Variants in FRMPD2 observed in about 807,000 individuals in gnomAD.
FRMPD2 encodes the protein FERM and PDZ domain containing 2.
A neutral mutation model predicts 140.1 loss-of-function variants in FRMPD2; 96 were observed. That is an observed-to-expected ratio of 0.69 (90% CI 0.58 to 0.81). FRMPD2 has a LOEUF of 0.81. Ranked by LOEUF, FRMPD2 falls within the 40% of genes least tolerant of loss-of-function variation. FRMPD2 has a pLI of 0.00. For synonymous variants in FRMPD2, 449 were observed against 547.6 expected (o/e 0.82, Z 2.52); for missense variants, 1,240 against 1,447.4 (o/e 0.86, Z 2.32).
At chr10:48,219,113 G>A (rs758305768) in intron 12 of FRMPD2, among the ~76,000 whole-genome samples, 1 of 152,140 alleles carries the variant, frequency 6.6e-6, no homozygotes, top group Non-Finnish European at 1.5e-5. Context: ...CAGACATTAT[G>A]GGAAAGGGCA....
chr10:48,238,053 C>T lies in FRMPD2; in HGVS notation c.859G>A (p.Ala287Thr), dbSNP rs147179010. The T allele has an allele frequency of 3.6e-4, 577 of 1,613,888 alleles. No homozygotes were observed. The highest frequency in any genetic ancestry group is 4.8e-4 in the Non-Finnish European group (562 of 1,180,016). The change falls in exon 8 of 29, where the codon GCA becomes ACA. Residue 287 changes from alanine (A) to threonine (T), a missense_variant. Transcript: ENST00000374201. The part of the protein sequence containing the change: ...RRLSSGSVHS[A>T]ADSSWPTTPS... ...GTTGTTGGCCATGAGCTGTCTGCTG[C>T]CGAGTGCACAGATCCAGAGCTGAGC...
chr10:48,248,283 G>A (rs1840298031), intron 3 of FRMPD2, among the ~76,000 whole-genome samples: 1 of 152,142 alleles, frequency 6.6e-6, no homozygotes, highest in Admixed American at 6.5e-5. Flanking sequence ...TAAAAATGAT[G>A]TTTACTGGAA....
chr10:48,160,303 G>A (rs1554790643), intron 28 of FRMPD2, among the ~76,000 whole-genome samples: 1 of 151,690 alleles, frequency 6.6e-6, no homozygotes, highest in Admixed American at 6.6e-5. Flanking sequence ...AAGTGAAATC[G>A]AATCTTGTCC....
At chr10:48,236,442 CG>C (rs1839969478) in intron 9 of FRMPD2, 39 bp downstream of exon 9, 1 of 1,592,162 alleles carries the variant, frequency 6.3e-7, no homozygotes, top group African/African-American at 1.3e-5. Context: ...CCACTTCCCT[CG>C]CCACCCTCCA....
At chr10:48,224,344 C>T (rs551106755) in intron 10 of FRMPD2, among the ~76,000 whole-genome samples, 2 of 152,338 alleles carry the variant, frequency 1.3e-5, no homozygotes, top group East Asian at 3.9e-4. Context: ...CCTTTCAGCC[C>T]AAAGCATTCT....
At chr10:48,262,886 G>A (rs778187070) in intron 1 of FRMPD2, among the ~76,000 whole-genome samples, 25 of 151,864 alleles carry the variant, frequency 1.6e-4, no homozygotes, top group South Asian at 2.1e-4. Flanking sequence ...AGCAATTCTC[G>A]TGCCTCAGCC....
chr10:48,174,366 C>T (rs1588804946), intron 24 of FRMPD2, among the ~76,000 whole-genome samples: 1 of 152,242 alleles, frequency 6.6e-6, no homozygotes, highest in African/African-American at 2.4e-5. Context: ...TCTTGGCACC[C>T]TGAATTCCTA....
At chr10:48,176,818 C>T (rs1201736371) in intron 22 of FRMPD2, among the ~76,000 whole-genome samples, 2 of 152,028 alleles carry the variant, frequency 1.3e-5, no homozygotes, top group Non-Finnish European at 2.9e-5. Flanking sequence ...AGCCTTATTG[C>T]TTGGTTTCTT....
chr10:48,193,335 G>T (rs545178964), intron 15 of FRMPD2, among the ~76,000 whole-genome samples: 1 of 152,290 alleles, frequency 6.6e-6, no homozygotes, highest in East Asian at 1.9e-4. Flanking sequence ...ATTAGGCTCT[G>T]CTCTGTGGAG....
chr10:48,241,869 C>G (rs146781947), intron 5 of FRMPD2, among the ~76,000 whole-genome samples: 3 of 152,130 alleles, frequency 2.0e-5, no homozygotes, highest in African/African-American at 7.2e-5. Context: ...TATGTAAGGA[C>G]GCACTTGCAA....
chr10:48,240,612 C>T, intron 5 of FRMPD2, 120 bp from the exon 6 acceptor site: 1 of 1,374,162 alleles, frequency 7.3e-7, no homozygotes, highest in South Asian at 1.3e-5. Context: ...ATACGGTGAC[C>T]TAAAGATGTG....
At chr10:48,244,012 T>G (rs1425565578) in intron 4 of FRMPD2, among the ~76,000 whole-genome samples, 1 of 152,282 alleles carries the variant, frequency 6.6e-6, no homozygotes, top group Non-Finnish European at 1.5e-5. Context: ...GGTTTTGCTC[T>G]GTTGCCCAGG....
Position 48,187,181 on chromosome 10 carries a change from C to T in FRMPD2, c.2266+11G>A. On this transcript the variant is annotated intron_variant, in intron 17 of 28. Transcript: ENST00000374201. ...CCTCCACCCAAGACCTGGTCGTGGC[C>T]TGGCCCATACCTGCATGCATGCTCT... 4 of 1,607,148 alleles carry T rather than the reference C, an allele frequency of 2.5e-6. No homozygotes were observed. The highest frequency in any genetic ancestry group is 3.4e-6 in the Non-Finnish European group (4 of 1,174,680).
At chr10:48,252,971 C>A (rs1840420443) in intron 1 of FRMPD2, among the ~76,000 whole-genome samples, 2 of 151,882 alleles carry the variant, frequency 1.3e-5, no homozygotes, top group Non-Finnish European at 1.5e-5. Flanking sequence ...ACTAGGCATT[C>A]CTATTCCACC....
chr10:48,238,390 T>C (rs1840020924), intron 7 of FRMPD2, among the ~76,000 whole-genome samples: 1 of 152,190 alleles, frequency 6.6e-6, no homozygotes, highest in African/African-American at 2.4e-5. Context: ...TACCTCTCTG[T>C]TTGTGGTGCC....
intron 1 of FRMPD2, among the ~76,000 whole-genome samples, chr10:48,255,041 T>G (rs1172631561): frequency 6.6e-6 from 1 of 152,200 alleles, no homozygotes; most frequent in African/African-American, 2.4e-5. Flanking sequence ...CGTAGAGAGA[T>G]CTGACAGTGA....
intron 2 of FRMPD2, among the ~76,000 whole-genome samples, chr10:48,249,698 C>T (rs572211): frequency 0.035 from 5,326 of 152,288 alleles, 326 homozygotes; most frequent in African/African-American, 0.12. Context: ...CCCCCAAGCA[C>T]GTGTGACCTG....
intron 16 of FRMPD2, among the ~76,000 whole-genome samples, chr10:48,190,794 C>T (rs1175143740): frequency 6.6e-6 from 1 of 152,168 alleles, no homozygotes; most frequent in African/African-American, 2.4e-5. Context: ...AGAAGGCCAG[C>T]AACCATGCAA....
At chr10:48,246,361 T>C (rs933356459) in intron 3 of FRMPD2, among the ~76,000 whole-genome samples, 1 of 152,162 alleles carries the variant, frequency 6.6e-6, no homozygotes, top group Non-Finnish European at 1.5e-5. Flanking sequence ...TCTAAAAGTG[T>C]CTTAGGGCAA....
Sources: allele counts gnomAD v4.1 joint callset (sites outside exome capture counted in the v4.1 genomes callset), GRCh38; gene constraint gnomAD v4.1.1; transcripts MANE v1.5; gene names NCBI Gene and HGNC (gene_info 2026-07-23, HGNC 2026-07-21).